TAS2R1: variants seen among roughly 807,000 people sequenced by gnomAD.
The protein encoded by TAS2R1 is taste receptor type 2 member 1.
For missense variants in TAS2R1, 370 were observed against 353.4 expected, an observed-to-expected ratio of 1.05 and a Z score of -0.38; for synonymous variants, 141 against 134.2, an observed-to-expected ratio of 1.05 and a Z score of -0.35.
At chr5:9,761,630 A>G in the TAS2R1 span, among the ~76,000 whole-genome samples, 1 of 152,150 alleles carries the variant, frequency 6.6e-6, no homozygotes, top group African/African-American at 2.4e-5. Context: ...CCCCACCTTG[A>G]AATGTTTTTA....
In TAS2R1 at chr5:9,629,714, C is replaced by A. The variant is rs1448029626; in HGVS notation, c.319G>T (p.Val107Phe). 4 of 1,614,030 alleles carry A rather than the reference C, an allele frequency of 2.5e-6. No individual in the cohort carries two copies. The highest frequency in any genetic ancestry group is 3.4e-6 in the Non-Finnish European group (4 of 1,180,002). The change falls in exon 1 of 1, where the codon GTT becomes TTT. Residue 107 changes from valine (V) to phenylalanine (F), a missense_variant. Transcript: ENST00000382492. ...AAGAGTGGGTGACGGACGCTGGCAA[C>A]CTTGGCACAATAGAAAACGCCGAGC... is the stretch of plus-strand genomic sequence containing the variant. ...TWLGVFYCAK[V>F]ASVRHPLFIW...
At chr5:9,827,432 C>T in the TAS2R1 span, among the ~76,000 whole-genome samples, 11,005 of 152,176 alleles carry the variant, frequency 0.072, 911 homozygotes, top group East Asian at 0.24. Flanking sequence ...GTATTCAGAA[C>T]AATCTTTTAA....
chr5:9,830,178 T>TGGATGGATGGACGGAC, the TAS2R1 span, among the ~76,000 whole-genome samples: 1 of 68,352 alleles, frequency 1.5e-5, no homozygotes, highest in South Asian at 4.3e-4. Flanking sequence ...GAGAACAGAT[T>TGGATGGATGGACGGAC]GGATGGATGG....
chr5:9,859,731 C>T, the TAS2R1 span, among the ~76,000 whole-genome samples: 1 of 152,152 alleles, frequency 6.6e-6, no homozygotes, highest in East Asian at 1.9e-4. Flanking sequence ...ATATATTACT[C>T]CAGCTATCGT....
chr5:9,638,776 T>C (rs775558780), intron 2 of TAS2R1, among the ~76,000 whole-genome samples: 7 of 152,152 alleles, frequency 4.6e-5, no homozygotes, highest in Non-Finnish European at 7.4e-5. Flanking sequence ...GCTCAGACTC[T>C]CCTTGAGTGG....
At chr5:9,824,714 G>C in the TAS2R1 span, among the ~76,000 whole-genome samples, 1 of 152,010 alleles carries the variant, frequency 6.6e-6, no homozygotes, top group African/African-American at 2.4e-5. Flanking sequence ...AGGTGTGGTG[G>C]TGGGCGCCTG....
chr5:9,765,053 A>G, the TAS2R1 span, among the ~76,000 whole-genome samples: 1 of 152,160 alleles, frequency 6.6e-6, no homozygotes, highest in Admixed American at 6.5e-5. Context: ...TTACGTTAAA[A>G]TCACACATAT....
At chr5:9,713,794 G>C (rs1399279566), upstream of TAS2R1, 1 of 152,144 alleles carries the variant, frequency 6.6e-6, no homozygotes, top group Non-Finnish European at 1.5e-5. Context: ...CGATCTTTCT[G>C]GTTGGTGGTT....
At chr5:9,782,689 T>C in the TAS2R1 span, among the ~76,000 whole-genome samples, 2 of 152,222 alleles carry the variant, frequency 1.3e-5, no homozygotes, top group African/African-American at 4.8e-5. Flanking sequence ...TGCAAGAATT[T>C]CAACCTACCT....
the TAS2R1 span, among the ~76,000 whole-genome samples, chr5:9,863,930 G>A: frequency 1.3e-5 from 2 of 152,152 alleles, no homozygotes; most frequent in Non-Finnish European, 2.9e-5. Context: ...TAATGGCTAA[G>A]CAATTCTCCA....
chr5:9,644,124 C>T (rs773812572), intron 2 of TAS2R1, among the ~76,000 whole-genome samples: 6 of 152,126 alleles, frequency 3.9e-5, no homozygotes, highest in Non-Finnish European at 8.8e-5. Context: ...TGAATGGGAA[C>T]CCATTGAAGT....
At chr5:9,630,568 A>T (rs755551250), upstream of TAS2R1, among the ~76,000 whole-genome samples, 16 of 152,230 alleles carry the variant, frequency 1.1e-4, no homozygotes, top group Non-Finnish European at 2.2e-4. Flanking sequence ...GCAATTCAAA[A>T]CTATCTGTAA....
intron 2 of TAS2R1, among the ~76,000 whole-genome samples, chr5:9,656,064 G>A (rs1740411850): frequency 6.6e-6 from 1 of 152,008 alleles, no homozygotes; most frequent in Admixed American, 6.6e-5. Context: ...TTATCACACT[G>A]CACTTACTAT....
chr5:9,685,722 A>G (rs991292448), intron 1 of TAS2R1, among the ~76,000 whole-genome samples: 19 of 152,212 alleles, frequency 1.2e-4, no homozygotes, highest in African/African-American at 4.6e-4. Flanking sequence ...GGCACACTAT[A>G]TAGTGTCCAG....
chr5:9,745,331 T>A, the TAS2R1 span, among the ~76,000 whole-genome samples: 1 of 152,196 alleles, frequency 6.6e-6, no homozygotes, highest in African/African-American at 2.4e-5. Context: ...ATGAAATTTA[T>A]TATGGTTGGA....
intron 1 of TAS2R1, among the ~76,000 whole-genome samples, chr5:9,686,845 G>T (rs1026419905): frequency 6.6e-6 from 1 of 152,072 alleles, no homozygotes; most frequent in Non-Finnish European, 1.5e-5. Context: ...TCAGATAATT[G>T]CAATTTTATT....
chr5:9,878,751 C>T, the TAS2R1 span, among the ~76,000 whole-genome samples: 2 of 152,330 alleles, frequency 1.3e-5, no homozygotes, highest in Non-Finnish European at 2.9e-5. Flanking sequence ...CATCCATCAA[C>T]ATCTTTCATA....
the TAS2R1 span, among the ~76,000 whole-genome samples, chr5:9,843,914 G>A: frequency 6.6e-6 from 1 of 152,204 alleles, no homozygotes; most frequent in Admixed American, 6.5e-5. Context: ...AGAGCCTTTT[G>A]TTGGCTGTCT....
the TAS2R1 span, among the ~76,000 whole-genome samples, chr5:9,902,291 C>T: frequency 0.09 from 13,622 of 152,082 alleles, 758 homozygotes; most frequent in South Asian, 0.19. Context: ...AACTACCACA[C>T]TGTGGACATG....
Sources: allele counts gnomAD v4.1 joint callset (sites outside exome capture counted in the v4.1 genomes callset), GRCh38; gene constraint gnomAD v4.1.1; transcripts MANE v1.5; gene names NCBI Gene and HGNC (gene_info 2026-07-23, HGNC 2026-07-21).